The following ADAM12 variants were observed in gnomAD, a reference collection of about 807,000 sequenced individuals.
ADAM12 encodes ADAM metallopeptidase domain 12.
A neutral mutation model predicts 106.4 loss-of-function variants in ADAM12; 70 were observed. That is an observed-to-expected ratio of 0.66 (90% CI 0.54 to 0.80). The LOEUF is 0.80. Ranked by LOEUF, ADAM12 falls within the 30% of genes least tolerant of loss-of-function variation. The probability of loss-of-function intolerance (pLI) is 0.00; values close to 1 mark genes in which losing one functional copy is unlikely to be tolerated. For synonymous variants in ADAM12, 420 were observed against 433.5 expected (o/e 0.97, Z 0.39); for missense variants, 1,010 against 1,171.9 (o/e 0.86, Z 2.02).
chr10:126,127,419 C>A (rs1209822037), intron 5 of ADAM12, among the ~76,000 whole-genome samples: 2 of 152,208 alleles, frequency 1.3e-5, no homozygotes, highest in African/African-American at 4.8e-5. Context: ...TTATGAACTG[C>A]CTGACCTTTG....
intron 11 of ADAM12, among the ~76,000 whole-genome samples, chr10:126,079,246 T>C (rs1483844478): frequency 6.6e-6 from 1 of 152,204 alleles, no homozygotes; most frequent in Admixed American, 6.5e-5. Context: ...ACATTCACAA[T>C]GTTGTGTAGC....
Position 126,039,535 on chromosome 10 carries a change from T to TGAA in ADAM12, c.2105-109_2105-107dup, listed in dbSNP as rs139833737. 2.1e-4 allele frequency: 294 copies of TGAA among 1,395,864 alleles called. No individual in the cohort carries two copies. The Middle Eastern group carries it at 3.9e-3, about 19-fold the overall frequency. 86.5% of individuals were successfully genotyped at this position (1,395,864 alleles called of 1,614,324 possible). A position where few individuals can be genotyped will look rare whatever the true frequency, so the allele number is the denominator to read the frequency against. Reference sequence around the variant, plus strand: ...AAAGTGAACTCTGAAGCAACAGAAATGAAGAGAGTACACCCGTGAGTGATG... The same window carrying TGAA: ...AAAGTGAACTCTGAAGCAACAGAAATGAAGAAGAGAGTACACCCGTGAGTGATG... On this transcript the variant is annotated intron_variant, in intron 18 of 22. Transcript: ENST00000448723.
chr10:126,036,052 C>G (rs1380220221), intron 21 of ADAM12, 94 bp downstream of exon 21: 5 of 1,146,154 alleles, frequency 4.4e-6, no homozygotes, highest in East Asian at 6.0e-5. Context: ...ACAGAGGCAC[C>G]GAGAAGTTAA....
chr10:126,088,039 C>T (rs533260491), intron 11 of ADAM12, among the ~76,000 whole-genome samples: 1 of 152,168 alleles, frequency 6.6e-6, no homozygotes, highest in Non-Finnish European at 1.5e-5. Flanking sequence ...TCCCTGTTTG[C>T]AATAAATTAT....
chr10:126,309,431 T>C (rs899941852), intron 2 of ADAM12, among the ~76,000 whole-genome samples: 2 of 152,198 alleles, frequency 1.3e-5, no homozygotes, highest in African/African-American at 4.8e-5. Context: ...ACTTTGGGTA[T>C]TGTAAACAGA....
At chr10:126,282,102 G>A (rs1342672768) in intron 2 of ADAM12, among the ~76,000 whole-genome samples, 1 of 152,156 alleles carries the variant, frequency 6.6e-6, no homozygotes, top group Non-Finnish European at 1.5e-5. Context: ...CCAAGATGAA[G>A]GCATTGGCAG....
intron 2 of ADAM12, among the ~76,000 whole-genome samples, chr10:126,291,172 A>T (rs1960132878): frequency 6.6e-6 from 1 of 152,024 alleles, no homozygotes; most frequent in South Asian, 2.1e-4. Context: ...TTTTTCCTAC[A>T]ACACATTTCA....
intron 3 of ADAM12, among the ~76,000 whole-genome samples, chr10:126,186,640 G>C (rs1336208490): frequency 2.6e-5 from 4 of 152,036 alleles, no homozygotes; most frequent in Admixed American, 1.3e-4. Flanking sequence ...GCCATAGAGG[G>C]GGGCAGGAAT....
At chr10:126,343,125 T>C (rs1189923960) in intron 1 of ADAM12, among the ~76,000 whole-genome samples, 1 of 152,146 alleles carries the variant, frequency 6.6e-6, no homozygotes, top group Admixed American at 6.5e-5. Context: ...GCTGCACCCA[T>C]TAACTCGTCA....
At chr10:126,084,645 C>A (rs947445365) in intron 11 of ADAM12, among the ~76,000 whole-genome samples, 2 of 152,204 alleles carry the variant, frequency 1.3e-5, no homozygotes, top group Non-Finnish European at 2.9e-5. Context: ...ATCTACAAGC[C>A]TGCCACCAGG....
At chr10:126,338,246 A>ATTTTG (rs1854781386) in intron 1 of ADAM12, among the ~76,000 whole-genome samples, 1 of 89,854 alleles carries the variant, frequency 1.1e-5, no homozygotes, top group Non-Finnish European at 2.0e-5. Flanking sequence ...AGTAACTTAC[A>ATTTTG]TTTTTTTTTT....
chr10:126,247,663 A>ACGC (rs1338481998), intron 3 of ADAM12, among the ~76,000 whole-genome samples: 4 of 152,250 alleles, frequency 2.6e-5, no homozygotes, highest in Non-Finnish European at 5.9e-5. Context: ...CAATCTTGAG[A>ACGC]CTAAGTCACC....
rs541033030 is a variant in ADAM12, at chr10:126,364,500, T to C, written c.88+23558A>G. On this transcript the variant is annotated intron_variant, in intron 1 of 22. Transcript: ENST00000448723. Reference sequence around the variant, plus strand: ...CCCAGAATGTGTGTATATAAACTAATACAAGATATATCATTACTAAAATAA... The same window carrying C: ...CCCAGAATGTGTGTATATAAACTAACACAAGATATATCATTACTAAAATAA... Among the ~76,000 whole-genome samples the C allele has an allele frequency of 8.5e-5, 13 of 152,268 alleles. 1 individual carries two copies. The South Asian group carries it at 2.7e-3, about 32-fold the overall frequency.
intron 5 of ADAM12, among the ~76,000 whole-genome samples, chr10:126,128,827 AGT>A (rs1336350702): frequency 2.9e-5 from 2 of 68,338 alleles, no homozygotes; most frequent in African/African-American, 1.2e-4. Flanking sequence ...TGCGCATGTG[AGT>A]GTGTGGTGCG....
At chr10:126,226,027 G>A (rs1378977281) in intron 3 of ADAM12, among the ~76,000 whole-genome samples, 1 of 151,756 alleles carries the variant, frequency 6.6e-6, no homozygotes, top group Non-Finnish European at 1.5e-5. Context: ...GGGCAGCAGG[G>A]ACAGGCATCT....
intron 3 of ADAM12, among the ~76,000 whole-genome samples, chr10:126,245,415 G>A (rs58449633): frequency 7.9e-5 from 12 of 152,298 alleles, no homozygotes; most frequent in African/African-American, 2.9e-4. Flanking sequence ...ATTGGGAACT[G>A]CAGCCCACTA....
chr10:126,142,924 TG>T (rs1590489405), intron 4 of ADAM12, among the ~76,000 whole-genome samples: 1 of 152,204 alleles, frequency 6.6e-6, no homozygotes, highest in East Asian at 1.9e-4. Context: ...GGTATGTATA[TG>T]GGGTGCATGG....
chr10:126,314,271 C>A (rs1961249264), intron 2 of ADAM12, among the ~76,000 whole-genome samples: 1 of 152,146 alleles, frequency 6.6e-6, no homozygotes, highest in South Asian at 2.1e-4. Flanking sequence ...AAGTAGCCAG[C>A]TCGATTGTTA....
intron 3 of ADAM12, among the ~76,000 whole-genome samples, chr10:126,205,611 A>T (rs1957781026): frequency 6.6e-6 from 1 of 152,252 alleles, no homozygotes; most frequent in Non-Finnish European, 1.5e-5. Context: ...ACAGGCTTCC[A>T]CAGGACAAGT....
Sources: allele counts gnomAD v4.1 joint callset (sites outside exome capture counted in the v4.1 genomes callset), GRCh38; gene constraint gnomAD v4.1.1; transcripts MANE v1.5; gene names NCBI Gene and HGNC (gene_info 2026-07-23, HGNC 2026-07-21).